DCLK1: variants seen among roughly 807,000 people sequenced by gnomAD.
DCLK1 encodes serine/threonine-protein kinase DCLK1.
A neutral mutation model predicts 86.2 loss-of-function variants in DCLK1; 16 were observed. The ratio of observed to expected loss-of-function variants is 0.19; its 90% confidence interval spans 0.13 to 0.28. DCLK1 has a LOEUF of 0.28. DCLK1 is among the 10% of genes least tolerant of loss of function. The pLI, the probability that DCLK1 is intolerant of heterozygous loss-of-function variation, is 1.00. For missense variants in DCLK1, 590 were observed against 940.2 expected, an observed-to-expected ratio of 0.63 and a Z score of 4.87; for synonymous variants, 369 against 370.5, an observed-to-expected ratio of 1.00 and a Z score of 0.05.
chr13:36,121,235 T>C (rs146448224), intron 2 of DCLK1, among the ~76,000 whole-genome samples: 85 of 152,328 alleles, frequency 5.6e-4, no homozygotes, highest in African/African-American at 2.0e-3. Flanking sequence ...TCAGGATATA[T>C]TGTTAAGTAC....
intron 4 of DCLK1, among the ~76,000 whole-genome samples, chr13:35,875,804 G>A (rs954728826): frequency 6.6e-6 from 1 of 152,146 alleles, no homozygotes; most frequent in African/African-American, 2.4e-5. Flanking sequence ...GGCCCAAATT[G>A]CTGCTGATCC....
chr13:35,915,769 G>A (rs571479976), intron 4 of DCLK1, among the ~76,000 whole-genome samples: 1 of 152,044 alleles, frequency 6.6e-6, no homozygotes. Flanking sequence ...TTTTTAAAAG[G>A]CTAAGAGCTA....
intron 3 of DCLK1, among the ~76,000 whole-genome samples, chr13:36,101,483 A>C (rs534360636): frequency 2.0e-5 from 3 of 152,218 alleles, no homozygotes; most frequent in African/African-American, 7.2e-5. Context: ...TGTTTAATGC[A>C]TCTACCACGC....
intron 4 of DCLK1, among the ~76,000 whole-genome samples, chr13:35,945,539 A>G (rs1296398952): frequency 6.6e-6 from 1 of 152,206 alleles, no homozygotes; most frequent in Non-Finnish European, 1.5e-5. Context: ...CGAGTTTGAC[A>G]GGCTGTTTTC....
intron 16 of DCLK1, among the ~76,000 whole-genome samples, chr13:35,789,620 C>T (rs574844539): frequency 3.3e-5 from 5 of 152,280 alleles, no homozygotes; most frequent in Non-Finnish European, 5.9e-5. Flanking sequence ...TAGACTGAAA[C>T]GCTCTATTTG....
chr13:35,838,052 C>T (rs553953436), intron 7 of DCLK1, among the ~76,000 whole-genome samples: 14 of 89,700 alleles, frequency 1.6e-4, no homozygotes, highest in South Asian at 7.0e-4. Flanking sequence ...AGAGACAGAG[C>T]GAGACTCCAT....
chr13:36,112,062 C>T lies in DCLK1; in HGVS notation c.530G>A (p.Arg177Gln), dbSNP rs766765628. 1 of 1,614,174 alleles carries T rather than the reference C, an allele frequency of 6.2e-7. No homozygotes were observed. Among genetic ancestry groups the T allele is most frequent in the Non-Finnish European group, 8.5e-7 (1 of 1,180,042 alleles). Reference sequence around the variant, plus strand: ...GGGCCGAATGAAATCCTTATTCTCTCGCACCTCTGAAGGGCTTCCTTTGGC... The same window carrying T: ...GGGCCGAATGAAATCCTTATTCTCTTGCACCTCTGAAGGGCTTCCTTTGGC... ...ATAKGSPSEV[R>Q]ENKDFIRPKL... Residue 177 changes from arginine (R) to glutamine (Q), a missense_variant, in exon 3 of 17, where the codon CGA becomes CAA. Arg to Gln is a conservative substitution (Grantham distance 43). Coordinates refer to ENST00000360631, the MANE Select transcript of DCLK1 (RefSeq NM_001330071.2).
intron 4 of DCLK1, among the ~76,000 whole-genome samples, chr13:35,947,091 C>T (rs74046172): frequency 0.07 from 10,681 of 152,158 alleles, 1,180 homozygotes; most frequent in African/African-American, 0.24. Context: ...TCATTTTCTA[C>T]ATAACATCAA....
chr13:35,961,914 C>T (rs1878482312), intron 3 of DCLK1, among the ~76,000 whole-genome samples: 3 of 152,292 alleles, frequency 2.0e-5, no homozygotes, highest in South Asian at 4.1e-4. Context: ...AATCGTCATA[C>T]ATGATAGCCA....
At chr13:36,027,665 T>C (rs1882098371) in intron 3 of DCLK1, among the ~76,000 whole-genome samples, 1 of 152,210 alleles carries the variant, frequency 6.6e-6, no homozygotes. Context: ...AATTTCTATA[T>C]GTGAAGAAAA....
At chr13:36,085,951 A>G (rs572485068) in intron 3 of DCLK1, among the ~76,000 whole-genome samples, 69 of 152,322 alleles carry the variant, frequency 4.5e-4, no homozygotes, top group Non-Finnish European at 8.2e-4. Flanking sequence ...TAGTTACCCA[A>G]TAATAAAATA....
rs552284147 is a variant in DCLK1, at chr13:36,065,282, A to C, written c.723+46587T>G. 5.9e-5 allele frequency among the ~76,000 whole-genome samples: 9 copies of C among 152,336 alleles called. 1 individual carries two copies. In the South Asian group the frequency reaches 1.2e-3, roughly 21 times the overall value. ...CACATCTTACAGGGTTGTTGTGAAGAGTAAATGAGACATGATGTTAAACAT... is the reference window on the plus strand; with the variant it reads ...CACATCTTACAGGGTTGTTGTGAAGCGTAAATGAGACATGATGTTAAACAT... On this transcript the variant is annotated intron_variant, in intron 3 of 16. Transcript: ENST00000360631.
At chr13:35,842,925 A>T (rs1302435573) in intron 6 of DCLK1, among the ~76,000 whole-genome samples, 3 of 152,172 alleles carry the variant, frequency 2.0e-5, no homozygotes, top group Non-Finnish European at 4.4e-5. Context: ...ACCTAAATAG[A>T]CTAACTTAGA....
chr13:36,027,720 T>G (rs943903121), intron 3 of DCLK1, among the ~76,000 whole-genome samples: 13 of 152,182 alleles, frequency 8.5e-5, no homozygotes, highest in African/African-American at 4.8e-5. Flanking sequence ...CAAATATCTA[T>G]TTTCTTTTGT....
chr13:35,968,063 T>G (rs2153138803), intron 3 of DCLK1, among the ~76,000 whole-genome samples: 1 of 151,720 alleles, frequency 6.6e-6, no homozygotes, highest in Non-Finnish European at 1.5e-5. Flanking sequence ...AAAAAATGAA[T>G]GAAAATTCTG....
intron 3 of DCLK1, among the ~76,000 whole-genome samples, chr13:36,007,099 G>C (rs1243757793): frequency 6.6e-6 from 1 of 152,078 alleles, no homozygotes; most frequent in Non-Finnish European, 1.5e-5. Context: ...GGCCAGCAAG[G>C]CTCATTGGTC....
chr13:36,100,261 C>T (rs1362963873), intron 3 of DCLK1, among the ~76,000 whole-genome samples: 1 of 150,088 alleles, frequency 6.7e-6, no homozygotes, highest in Non-Finnish European at 1.5e-5. Context: ...CACCTGCAGT[C>T]CCAGCTACTT....
At chr13:36,065,972 T>G (rs1431671717) in intron 3 of DCLK1, among the ~76,000 whole-genome samples, 12 of 152,188 alleles carry the variant, frequency 7.9e-5, no homozygotes, top group African/African-American at 2.9e-4. Context: ...ATGGCTGTTT[T>G]TTTTATTTTC....
intron 3 of DCLK1, among the ~76,000 whole-genome samples, chr13:36,030,958 C>T (rs556701322): frequency 6.6e-6 from 1 of 152,084 alleles, no homozygotes; most frequent in Non-Finnish European, 1.5e-5. Context: ...CTTAGCAACT[C>T]GAAGAAAGAA....
Sources: allele counts gnomAD v4.1 joint callset (sites outside exome capture counted in the v4.1 genomes callset), GRCh38; gene constraint gnomAD v4.1.1; transcripts MANE v1.5; gene names NCBI Gene and HGNC (gene_info 2026-07-23, HGNC 2026-07-21).